Variants in ZNF208 observed in about 807,000 individuals in gnomAD.
ZNF208 encodes the protein zinc finger protein 95.
A neutral mutation model predicts 12.1 loss-of-function variants in ZNF208; 10 were observed. The observed-to-expected ratio is 0.83, with a 90% CI of 0.51 to 1.40. The LOEUF is 1.40. ZNF208 is among the 40% of genes most tolerant of loss of function. The pLI is 0.00. For synonymous variants in ZNF208, 497 were observed against 488.4 expected, an observed-to-expected ratio of 1.02 and a Z score of -0.23; for missense variants, 1,652 against 1,485.0, an observed-to-expected ratio of 1.11 and a Z score of -1.85.
intron 3 of ZNF208, among the ~76,000 whole-genome samples, chr19:21,982,424 T>C (rs1214649762): frequency 2.7e-5 from 4 of 146,222 alleles, no homozygotes; most frequent in African/African-American, 7.6e-5. Flanking sequence ...ATCATGAAAA[T>C]GGCCATACTG....
downstream of ZNF208, among the ~76,000 whole-genome samples, chr19:21,963,525 G>A (rs1010458826): frequency 1.3e-5 from 2 of 151,822 alleles, no homozygotes; most frequent in Admixed American, 6.6e-5. Flanking sequence ...ATATCTTTAC[G>A]AATGGGCAAA....
chr19:21,955,451 A>G (rs1969958189), intron 4 of ZNF208, among the ~76,000 whole-genome samples: 1 of 152,114 alleles, frequency 6.6e-6, no homozygotes, highest in Non-Finnish European at 1.5e-5. Context: ...TCTCCCTGTC[A>G]CTTTCAGGTA....
At position 21,972,372 on chromosome 19, in the gene ZNF208, G is replaced by A; in HGVS notation, c.2662C>T (p.Pro888Ser). The change falls in exon 4 of 4, where the codon CCC (proline) becomes TCC (serine). Residue 888 changes from proline (P) to serine (S), a missense_variant. Pro to Ser is a moderately conservative substitution (Grantham distance 74). Transcript: ENST00000397126. ...TTGCCACATTCTTCACATTTGTAGG[G>A]TTTCTCTCCAGTATGAATTTTCTTA... ...YHKKIHTGEK[P>S]YKCEECGKGF... 2 of 1,612,192 alleles carry A rather than the reference G, an allele frequency of 1.2e-6. No individual in the cohort carries two copies. Among genetic ancestry groups the A allele is most frequent in the Non-Finnish European group, 1.7e-6 (2 of 1,179,176 alleles).
intron 1 of ZNF208, among the ~76,000 whole-genome samples, chr19:22,010,046 G>A (rs1391869070): frequency 4.6e-5 from 7 of 151,936 alleles, no homozygotes; most frequent in Non-Finnish European, 1.5e-5. Context: ...GTAACCGAGC[G>A]TGGTGGCGGG....
rs1970378962 is a variant in ZNF208 at position 21,974,199 on chromosome 19, GA to G, written c.834del (p.His279IlefsTer83). The G allele has an allele frequency of 6.2e-7, 1 of 1,602,682 alleles. No homozygotes were observed. Among genetic ancestry groups the G allele is most frequent in the African/African-American group, 1.3e-5 (1 of 74,588 alleles). On this transcript the variant is annotated frameshift_variant, in exon 4 of 4. Transcript: ENST00000397126. LOFTEE classifies it low-confidence loss of function (END_TRUNC). Reference protein sequence around the residue: ...QSAILTKHKIIHTGEKPNKCE... With the variant: ...QSAILTKHKIXHTGEKPNKCE... ...CATTTGTTGGGTTTCTCTCCAGTATGAATTATCTTATGTTTAGTAAGGATTG... is the reference window on the plus strand; with the variant it reads ...CATTTGTTGGGTTTCTCTCCAGTATGATTATCTTATGTTTAGTAAGGATTG...
chr19:21,991,030 A>G (rs975161689), intron 1 of ZNF208, among the ~76,000 whole-genome samples: 3 of 152,200 alleles, frequency 2.0e-5, no homozygotes, highest in Non-Finnish European at 4.4e-5. Context: ...TTTTCTAGAT[A>G]TACAATCATG....
At chr19:22,009,656 A>T (rs1239667548) in intron 1 of ZNF208, 1 of 151,662 alleles carries the variant, frequency 6.6e-6, no homozygotes, top group Non-Finnish European at 1.5e-5. Flanking sequence ...CTGAGGCAGG[A>T]GAATCATTTG....
intron 3 of ZNF208, among the ~76,000 whole-genome samples, chr19:21,985,387 G>C (rs1212021745): frequency 3.9e-5 from 6 of 152,154 alleles, no homozygotes. Flanking sequence ...GACCAACCTG[G>C]GTTATGTAGT....
In ZNF208 at chr19:21,974,498, A is replaced by T. The variant is rs780498478; in HGVS notation, c.536T>A (p.Val179Asp). The change falls in exon 4 of 4, where the codon GTC (valine) becomes GAC (aspartate). Residue 179 changes from valine (V) to aspartate (D), a missense_variant. By Grantham distance (152) the Val-to-Asp change is radical. Around this residue, in one of 3 missense-constraint regions of ZNF208, gnomAD observed 410 missense variants for 378.2 expected, o/e 1.08. Coordinates refer to ENST00000397126, the MANE Select transcript of ZNF208 (RefSeq NM_007153.3). Reference sequence around the variant, plus strand: ...GTGTGAAAGCATGCAAAATGATCTGACGTATTCTTTACATTGCAAATGTTT... The same window carrying T: ...GTGTGAAAGCATGCAAAATGATCTGTCGTATTCTTTACATTGCAAATGTTT... ...GKKHLQCKEY[V>D]RSFCMLSHLS... 1.9e-6 allele frequency: 3 copies of T among 1,613,694 alleles called. No homozygotes were observed. The highest frequency in any genetic ancestry group is 2.5e-6 in the Non-Finnish European group (3 of 1,179,718).
rs1970182172 is a variant in ZNF208, at chr19:21,966,952, T to C, written c.*4239A>G. 6.6e-6 allele frequency: 1 copy of C among 152,210 alleles called. No individual in the cohort carries two copies. Among genetic ancestry groups the C allele is most frequent in the African/African-American group, 2.4e-5 (1 of 41,458 alleles). The allele number at this position is 152,210 out of a possible 1,614,324, so 9.4% of individuals were successfully genotyped here. On this transcript the variant is annotated 3_prime_UTR_variant, in exon 4 of 4. Transcript: ENST00000397126. ...ATGTTTGCTTTTTTATTAAATGTAT[T>C]ATAGATTCTGTACATTAATCCTTCA... is the stretch of plus-strand genomic sequence containing the variant.
chr19:22,004,006 A>G (rs1355119893), intron 1 of ZNF208, among the ~76,000 whole-genome samples: 4 of 151,948 alleles, frequency 2.6e-5, no homozygotes, highest in African/African-American at 9.7e-5. Flanking sequence ...CCATCTATAA[A>G]AAAAAAAGTA....
rs186124257 is a variant in ZNF208, at chr19:21,978,971, G to A, written c.227-4164C>T. 1.7e-3 allele frequency among the ~76,000 whole-genome samples: 258 copies of A among 152,142 alleles called. 1 individual carries two copies. Among genetic ancestry groups the A allele is most frequent in the African/African-American group, 6.0e-3 (248 of 41,494 alleles). On this transcript the variant is annotated intron_variant, in intron 3 of 3. Transcript: ENST00000397126. ...GCTGAATCGATAAAGCGGAAGAAAG[G>A]ATATCAGAGACTGAAGATTAACTTA...
intron 3 of ZNF208, among the ~76,000 whole-genome samples, chr19:21,984,833 T>C (rs1039441852): frequency 6.6e-5 from 10 of 152,182 alleles, no homozygotes; most frequent in African/African-American, 2.4e-4. Context: ...TTAAAGTTCC[T>C]GATTTCAAAA....
intron 1 of ZNF208, among the ~76,000 whole-genome samples, chr19:22,005,997 A>C (rs1971037920): frequency 6.7e-6 from 1 of 148,414 alleles, no homozygotes; most frequent in South Asian, 2.1e-4. Context: ...TCTTCTCATT[A>C]AAAAAATCAG....
chr19:21,987,401 A>G, intron 2 of ZNF208, 90 bp from the exon 3 acceptor site: 4 of 1,247,468 alleles, frequency 3.2e-6, no homozygotes, highest in Non-Finnish European at 4.3e-6. Flanking sequence ...ATGTAATAGA[A>G]TATTCTAATA....
At chr19:21,990,261 T>C (rs1404267625) in intron 1 of ZNF208, among the ~76,000 whole-genome samples, 2 of 152,184 alleles carry the variant, frequency 1.3e-5, no homozygotes, top group African/African-American at 4.8e-5. Flanking sequence ...AATTTTTGTA[T>C]AAGATGTGAG....
At chr19:21,955,971 T>C (rs1281639928) in intron 4 of ZNF208, among the ~76,000 whole-genome samples, 1 of 152,220 alleles carries the variant, frequency 6.6e-6, no homozygotes, top group African/African-American at 2.4e-5. Context: ...TGGGGTTTTA[T>C]CTACCTTTGG....
At chr19:21,955,082 C>T (rs1160271284) in intron 4 of ZNF208, among the ~76,000 whole-genome samples, 1 of 152,208 alleles carries the variant, frequency 6.6e-6, no homozygotes. Context: ...ATTTCTCCTT[C>T]ACTTATGAAG....
intron 1 of ZNF208, among the ~76,000 whole-genome samples, chr19:22,005,555 G>A (rs567537158): frequency 1.3e-5 from 2 of 152,252 alleles, no homozygotes; most frequent in African/African-American, 4.8e-5. Flanking sequence ...ACCACCCAGA[G>A]TCAGCACAGA....
Sources: allele counts gnomAD v4.1 joint callset (sites outside exome capture counted in the v4.1 genomes callset), GRCh38; gene constraint gnomAD v4.1.1; regional missense constraint gnomAD v4.1.1; transcripts MANE v1.5; gene names NCBI Gene and HGNC (gene_info 2026-07-23, HGNC 2026-07-21).